ADD2: variants seen among roughly 807,000 people sequenced by gnomAD.
The protein encoded by ADD2 is adducin 2.
ADD2 carries 23 observed loss-of-function variants against 83.0 expected under a neutral mutation model. The observed-to-expected ratio is 0.28, with a 90% CI of 0.20 to 0.39. The LOEUF is 0.39. ADD2 is among the 10% of genes least tolerant of loss of function. The pLI is 1.00. For missense variants in ADD2, 758 were observed against 944.9 expected (o/e 0.80, Z 2.59); for synonymous variants, 375 against 375.4 (o/e 1.00, Z 0.01).
At chr2:70,727,010 C>A (rs1553378409) in intron 1 of ADD2, among the ~76,000 whole-genome samples, 1 of 152,158 alleles carries the variant, frequency 6.6e-6, no homozygotes, top group East Asian at 1.9e-4. Context: ...TTCTTGTGGG[C>A]CACAGCCAAA....
Position 70,704,313 on chromosome 2 carries a change from C to T in ADD2, c.322+8G>A, listed in dbSNP as rs782268375. ...TCTGCTCCTGGCAGCTCCCCAGACA[C>T]CACATACTCATGGAAGATGTCGGGA... On this transcript the variant is annotated splice_region_variant and intron_variant, in intron 4 of 15. Transcript: ENST00000264436. 1 of 1,540,336 alleles carries T rather than the reference C, an allele frequency of 6.5e-7. No homozygotes were observed. Among genetic ancestry groups the T allele is most frequent in the Non-Finnish European group, 8.8e-7 (1 of 1,133,202 alleles).
intron 1 of ADD2, among the ~76,000 whole-genome samples, chr2:70,720,073 A>G (rs551287181): frequency 6.6e-6 from 1 of 152,214 alleles, no homozygotes; most frequent in South Asian, 2.1e-4. Context: ...TTGGCAAATT[A>G]AGGTTGAAAT....
At chr2:70,710,663 C>A (rs752022355) in intron 2 of ADD2, among the ~76,000 whole-genome samples, 3 of 152,240 alleles carry the variant, frequency 2.0e-5, no homozygotes, top group Non-Finnish European at 4.4e-5. Context: ...AGCACAGACT[C>A]TGGAACAAGA....
At chr2:70,718,081 T>TA (rs1672561812) in intron 1 of ADD2, among the ~76,000 whole-genome samples, 1 of 152,186 alleles carries the variant, frequency 6.6e-6, no homozygotes, top group Admixed American at 6.5e-5. Context: ...GCATCCCTGG[T>TA]GCAAACATTC....
At position 70,657,531 on chromosome 2, in the gene ADD2, G is replaced by A. The variant is rs540835225; in HGVS notation, c.*5894C>T. On this transcript the variant is annotated 3_prime_UTR_variant, in exon 16 of 16. Coordinates refer to ENST00000264436, the MANE Select transcript of ADD2 (RefSeq NM_001617.4). ...AATCACCCACAAAGCAGGACCAACA[G>A]GTGTGAGGTGGAGTGGAAGTGTGGG... The A allele has an allele frequency of 6.6e-6, 1 of 152,296 alleles. No individual in the cohort carries two copies. The highest frequency in any genetic ancestry group is 1.9e-4 in the East Asian group (1 of 5,168). The allele number at this position is 152,296 out of a possible 1,614,324, so 9.4% of individuals were successfully genotyped here.
At chr2:70,683,555 T>G in intron 10 of ADD2, 36 bp downstream of exon 10, 1 of 1,584,428 alleles carries the variant, frequency 6.3e-7, no homozygotes, top group Non-Finnish European at 8.6e-7. Flanking sequence ...TAAGCCTCAA[T>G]GGACTGGCCT....
intron 8 of ADD2, among the ~76,000 whole-genome samples, chr2:70,689,052 C>T (rs551292671): frequency 2.0e-5 from 3 of 152,080 alleles, no homozygotes; most frequent in East Asian, 1.9e-4. Flanking sequence ...GAGCTGAGAT[C>T]GCACCATTGT....
At chr2:70,667,838 C>A (rs1669712737) in intron 15 of ADD2, among the ~76,000 whole-genome samples, 1 of 152,154 alleles carries the variant, frequency 6.6e-6, no homozygotes, top group Admixed American at 6.5e-5. Context: ...AGGCTGATCT[C>A]AAACTCCGGA....
chr2:70,740,044 G>C (rs1243121091), intron 1 of ADD2, among the ~76,000 whole-genome samples: 1 of 151,914 alleles, frequency 6.6e-6, no homozygotes, highest in Admixed American at 6.6e-5. Context: ...AACTAAAATA[G>C]ATAATAAAAT....
chr2:70,736,643 C>A (rs1673576945), intron 1 of ADD2, among the ~76,000 whole-genome samples: 1 of 152,184 alleles, frequency 6.6e-6, no homozygotes. Context: ...TACATAACTT[C>A]TAGAACTTTT....
Position 70,704,349 on chromosome 2 carries a change from G to T in ADD2, c.294C>A (p.Ser98=). Residue 98 remains serine (S), a synonymous_variant, in exon 4 of 16, where the codon TCC becomes TCA. Coordinates refer to ENST00000264436, the MANE Select transcript of ADD2 (RefSeq NM_001617.4). ...RQIADFMAST[S]HAVFPTSSMN... The stretch of plus-strand genomic sequence containing the variant: ...TGGAAGATGTCGGGAAGACTGCGTG[G>T]GAGGTGCTGGCCATGAAGTCCGCGA... 6.2e-7 allele frequency: 1 copy of T among 1,613,596 alleles called. No individual in the cohort carries two copies. Among genetic ancestry groups the T allele is most frequent in the Non-Finnish European group, 8.5e-7 (1 of 1,179,918 alleles).
intron 15 of ADD2, among the ~76,000 whole-genome samples, chr2:70,665,810 G>GTTTTTTTTTTTTTTTTTTTTTTTTTTTT: frequency 7.4e-6 from 1 of 135,786 alleles, no homozygotes; most frequent in Non-Finnish European, 1.6e-5. Context: ...GATCACACTT[G>GTTTTTTTTTTTTTTTTTTTTTTTTTTTT]TTTTTTTGTT....
Position 70,658,117 on chromosome 2 carries a change from G to C in ADD2, c.*5308C>G, listed in dbSNP as rs2104111444. 1 of 152,272 alleles carries C rather than the reference G, an allele frequency of 6.6e-6. No homozygotes were observed. The highest frequency in any genetic ancestry group is 2.4e-5 in the African/African-American group (1 of 41,556). 9.4% of individuals were successfully genotyped at this position (152,272 alleles called of 1,614,324 possible). On this transcript the variant is annotated 3_prime_UTR_variant, in exon 16 of 16. Transcript: ENST00000264436. ...ATACATAAGAACACTCCCAGCTGGAGATTCTTCCTAATTGTTCCTAAGATG... is the reference window on the plus strand; with the variant it reads ...ATACATAAGAACACTCCCAGCTGGACATTCTTCCTAATTGTTCCTAAGATG...
intron 1 of ADD2, among the ~76,000 whole-genome samples, chr2:70,715,810 C>T (rs1181973395): frequency 6.6e-6 from 1 of 151,922 alleles, no homozygotes; most frequent in Non-Finnish European, 1.5e-5. Context: ...GGGATCCCAC[C>T]TTGACTCCCT....
intron 1 of ADD2, among the ~76,000 whole-genome samples, chr2:70,755,347 T>C (rs1316749780): frequency 6.6e-6 from 1 of 152,220 alleles, no homozygotes; most frequent in Non-Finnish European, 1.5e-5. Context: ...CGAACCCACC[T>C]GCAACAGCTC....
intron 1 of ADD2, among the ~76,000 whole-genome samples, chr2:70,739,985 A>G (rs1233991616): frequency 6.6e-6 from 1 of 152,222 alleles, no homozygotes; most frequent in African/African-American, 2.4e-5. Flanking sequence ...AAGTTTACCT[A>G]CGTCACAAAC....
chr2:70,695,938 G>A (rs1014542199), intron 5 of ADD2, 137 bp from the exon 6 acceptor site: 14 of 750,780 alleles, frequency 1.9e-5, no homozygotes, highest in Non-Finnish European at 3.0e-5. Flanking sequence ...CTCCCCCCCA[G>A]CCATAAGAGA....
chr2:70,693,539 T>C (rs907623811), intron 6 of ADD2, among the ~76,000 whole-genome samples: 30 of 152,160 alleles, frequency 2.0e-4, no homozygotes, highest in African/African-American at 7.0e-4. Flanking sequence ...GGCGGAGGGA[T>C]GTGCTGCTGG....
intron 2 of ADD2, among the ~76,000 whole-genome samples, chr2:70,707,586 C>T (rs1671967997): frequency 6.6e-6 from 1 of 152,184 alleles, no homozygotes; most frequent in East Asian, 1.9e-4. Flanking sequence ...TTTCCTGTGT[C>T]GGCACTGCAA....
Sources: allele counts gnomAD v4.1 joint callset (sites outside exome capture counted in the v4.1 genomes callset), GRCh38; gene constraint gnomAD v4.1.1; transcripts MANE v1.5; gene names NCBI Gene and HGNC (gene_info 2026-07-23, HGNC 2026-07-21).